The following EDIL3 variants were observed in gnomAD, a reference collection of about 807,000 sequenced individuals.
EDIL3 encodes the protein EGF like and discoidin domains 3.
EDIL3 carries 37 observed loss-of-function variants against 67.4 expected under a neutral mutation model. The ratio of observed to expected loss-of-function variants is 0.55; its 90% CI spans 0.42 to 0.72. The LOEUF (loss-of-function observed/expected upper bound fraction) is 0.72, where lower values mean the gene tolerates loss of function less well. Among genes scored for constraint, EDIL3 ranks in the 30% least tolerant of loss-of-function variants. The pLI, the probability that EDIL3 is intolerant of heterozygous loss-of-function variation, is 0.00. For synonymous variants in EDIL3, 195 were observed against 196.3 expected, an observed-to-expected ratio of 0.99 and a Z score of 0.05; for missense variants, 527 against 586.3, an observed-to-expected ratio of 0.90 and a Z score of 1.04.
intron 3 of EDIL3, chr5:84,197,079 T>C (rs1038012453): frequency 2.6e-5 from 4 of 152,146 alleles, no homozygotes; most frequent in Non-Finnish European, 5.9e-5. Context: ...TCTTATAACA[T>C]CATTTGAACA....
At chr5:84,229,144 T>C (rs998543761) in intron 3 of EDIL3, among the ~76,000 whole-genome samples, 20 of 152,186 alleles carry the variant, frequency 1.3e-4, no homozygotes, top group African/African-American at 4.8e-4. Context: ...TATATTCTTA[T>C]AATTGTGTCT....
At chr5:84,190,551 A>ATGTGTGTG (rs1228798257) in intron 3 of EDIL3, among the ~76,000 whole-genome samples, 1 of 126,984 alleles carries the variant, frequency 7.9e-6, no homozygotes, top group Non-Finnish European at 1.6e-5. Flanking sequence ...ATATATATAT[A>ATGTGTGTG]TGTGTGTGTG....
At position 84,268,035 on chromosome 5, in the gene EDIL3, G is replaced by A. The variant is rs1004389948; in HGVS notation, c.68-13823C>T. 3.9e-5 allele frequency among the ~76,000 whole-genome samples: 6 copies of A among 152,172 alleles called. No individual in the cohort carries two copies. In the South Asian group the frequency reaches 1.0e-3, roughly 26 times the overall value. ...GCCTGTAGTCCCAGCTACTCGGGAG[G>A]CTGAGGCAGGAGAATTGCTTGAACC... On this transcript the variant is annotated intron_variant, in intron 1 of 10. Coordinates refer to ENST00000296591, the MANE Select transcript of EDIL3 (RefSeq NM_005711.5).
At position 84,325,859 on chromosome 5, in the gene EDIL3, T is replaced by C. The variant is rs146161493; in HGVS notation, c.67+58449A>G. ...AAAATGTGGATAAACTTTGAGAACA[T>C]CTTGCTAAGTGAAATAAGCTAGTCA... On this transcript the variant is annotated intron_variant, in intron 1 of 10. Transcript: ENST00000296591. Among the ~76,000 whole-genome samples, 6 of 152,216 alleles carry C rather than the reference T, an allele frequency of 3.9e-5. No homozygotes were observed. In the East Asian group the frequency reaches 1.2e-3, roughly 29 times the overall value.
At chr5:84,046,212 G>A (rs955900842) in intron 9 of EDIL3, among the ~76,000 whole-genome samples, 3 of 152,134 alleles carry the variant, frequency 2.0e-5, no homozygotes, top group South Asian at 2.1e-4. Context: ...AGGGATATAC[G>A]ATTGTTACAA....
At chr5:84,009,531 A>C (rs995121356) in intron 9 of EDIL3, among the ~76,000 whole-genome samples, 20 of 152,210 alleles carry the variant, frequency 1.3e-4, no homozygotes, top group Admixed American at 3.9e-4. Context: ...TAGAAAAAAA[A>C]CCTACACGTG....
chr5:84,267,467 C>A (rs370038275), intron 1 of EDIL3, among the ~76,000 whole-genome samples: 1 of 152,090 alleles, frequency 6.6e-6, no homozygotes, highest in African/African-American at 2.4e-5. Context: ...AGCGCAGATA[C>A]CAGAATAGAC....
intron 9 of EDIL3, among the ~76,000 whole-genome samples, chr5:84,048,684 A>T (rs1746273866): frequency 6.6e-6 from 1 of 152,070 alleles, no homozygotes; most frequent in Non-Finnish European, 1.5e-5. Context: ...AACGTTTAGT[A>T]GATTTAATTA....
chr5:84,232,555 C>T (rs1256934788), intron 2 of EDIL3, among the ~76,000 whole-genome samples: 1 of 151,052 alleles, frequency 6.6e-6, no homozygotes, highest in Non-Finnish European at 1.5e-5. Flanking sequence ...GCAAATCCCA[C>T]AGGGCAAGCT....
At chr5:84,048,078 A>G in intron 9 of EDIL3, 1 of 263,852 alleles carries the variant, frequency 3.8e-6, no homozygotes, top group Non-Finnish European at 7.6e-6. Context: ...TCAATACTAT[A>G]GAAGAACGGA....
At chr5:84,060,240 A>G in intron 9 of EDIL3, 60 bp downstream of exon 9, 1 of 1,580,750 alleles carries the variant, frequency 6.3e-7, no homozygotes, top group East Asian at 2.2e-5. Context: ...CACCTAATCA[A>G]CAGGAAATCT....
At chr5:84,253,471 A>C (rs1745071952) in intron 2 of EDIL3, among the ~76,000 whole-genome samples, 1 of 152,208 alleles carries the variant, frequency 6.6e-6, no homozygotes, top group Non-Finnish European at 1.5e-5. Flanking sequence ...CTATGTGGAA[A>C]TTACAGAAGT....
intron 5 of EDIL3, among the ~76,000 whole-genome samples, chr5:84,125,450 A>G (rs1221206853): frequency 1.3e-5 from 2 of 152,060 alleles, no homozygotes; most frequent in East Asian, 3.8e-4. Flanking sequence ...ACTTCCTTAA[A>G]GAAAGAAGGT....
chr5:84,366,891 T>C (rs927216265), intron 1 of EDIL3, among the ~76,000 whole-genome samples: 1 of 152,210 alleles, frequency 6.6e-6, no homozygotes, highest in African/African-American at 2.4e-5. Flanking sequence ...AAAGTTAGTA[T>C]AACATGTCAT....
At chr5:84,124,586 A>G (rs886799550) in intron 5 of EDIL3, among the ~76,000 whole-genome samples, 1 of 151,942 alleles carries the variant, frequency 6.6e-6, no homozygotes, top group Non-Finnish European at 1.5e-5. Flanking sequence ...TGCATTAGAA[A>G]AATTACTTTA....
chr5:84,236,102 T>C (rs1003676357), intron 2 of EDIL3, among the ~76,000 whole-genome samples: 1 of 152,054 alleles, frequency 6.6e-6, no homozygotes, highest in Non-Finnish European at 1.5e-5. Flanking sequence ...GCATTTGTGA[T>C]TCTCTCATTT....
intron 1 of EDIL3, among the ~76,000 whole-genome samples, chr5:84,298,748 G>A (rs78640469): frequency 0.013 from 1,936 of 152,238 alleles, 25 homozygotes; most frequent in African/African-American, 0.042. Flanking sequence ...TTGTGAAAGC[G>A]ATGTCACACC....
At chr5:84,048,116 C>A (rs1331700322) in intron 9 of EDIL3, 1 of 305,326 alleles carries the variant, frequency 3.3e-6, no homozygotes. Flanking sequence ...ATACAAGTTT[C>A]ATTACTTGAC....
At chr5:84,135,656 A>G (rs1748077018) in intron 5 of EDIL3, among the ~76,000 whole-genome samples, 1 of 152,140 alleles carries the variant, frequency 6.6e-6, no homozygotes, top group Admixed American at 6.6e-5. Flanking sequence ...GATTAGTTAA[A>G]TGCTTCACGG....
Sources: allele counts gnomAD v4.1 joint callset (sites outside exome capture counted in the v4.1 genomes callset), GRCh38; gene constraint gnomAD v4.1.1; transcripts MANE v1.5; gene names NCBI Gene and HGNC (gene_info 2026-07-23, HGNC 2026-07-21).